The following FGFR2 variants were observed in gnomAD, a reference collection of about 807,000 sequenced individuals.
The protein encoded by FGFR2 is BEK fibroblast growth factor receptor.
In FGFR2, 19 loss-of-function variants were observed where a neutral mutation model predicts 95.9. The observed-to-expected ratio is 0.20, with a 90% CI of 0.14 to 0.29. The LOEUF (loss-of-function observed/expected upper bound fraction) is 0.29. Ranked by LOEUF, FGFR2 falls within the 10% of genes least tolerant of loss-of-function variation. The pLI, the probability that FGFR2 is intolerant of heterozygous loss-of-function variation, is 1.00. For missense variants in FGFR2, 707 were observed against 1,056.9 expected (o/e 0.67, Z 4.59); for synonymous variants, 392 against 393.3 (o/e 1.00, Z 0.04).
At chr10:121,527,263 G>C (rs967913268) in intron 6 of FGFR2, among the ~76,000 whole-genome samples, 4 of 152,170 alleles carry the variant, frequency 2.6e-5, no homozygotes, top group Non-Finnish European at 5.9e-5. Flanking sequence ...TACCAGCTGG[G>C]TATCAATTTG....
chr10:121,598,134 G>A lies in FGFR2; in HGVS notation c.-323C>T. The A allele has an allele frequency of 2.5e-6, 1 of 398,458 alleles. No individual in the cohort carries two copies. 24.7% of individuals were successfully genotyped at this position (398,458 alleles called of 1,614,324 possible). Reference sequence around the variant, plus strand: ...GGCTTCACGCGTACCCCAGGCTGCGGAGGAGCGCGGGCATGACGCCCGCGG... The same window carrying A: ...GGCTTCACGCGTACCCCAGGCTGCGAAGGAGCGCGGGCATGACGCCCGCGG... On this transcript the variant is annotated 5_prime_UTR_variant, in exon 1 of 18. Transcript: ENST00000358487.
chr10:121,493,800 C>T (rs1216992610), intron 13 of FGFR2, among the ~76,000 whole-genome samples: 3 of 152,080 alleles, frequency 2.0e-5, no homozygotes, highest in Admixed American at 6.5e-5. Flanking sequence ...GACTCAGATA[C>T]GCTCAAGACG....
Position 121,517,548 on chromosome 10 carries a change from C to G in FGFR2, c.940-85G>C, listed in dbSNP as rs1045211042. On this transcript the variant is annotated intron_variant, in intron 7 of 17. Transcript: ENST00000358487. This position sits in a 1 kb window ranked among gnomAD's most constrained non-coding sequence, Gnocchi z 4.7. The stretch of plus-strand genomic sequence containing the variant: ...GCTGTGGAACCACAAGGCGTCGCAC[C>G]GGGGGCTTCAGGGGGTGCTGGCCAC... 1.8e-5 allele frequency: 28 copies of G among 1,554,792 alleles called. No homozygotes were observed. The East Asian group carries it at 4.7e-4, about 26-fold the overall frequency.
intron 2 of FGFR2, among the ~76,000 whole-genome samples, chr10:121,580,901 C>T (rs1053006336): frequency 7.8e-6 from 1 of 127,390 alleles, no homozygotes; most frequent in Non-Finnish European, 1.8e-5. Flanking sequence ...AGCTTTAGAT[C>T]TCAGAAGGGC....
intron 5 of FGFR2, 81 bp downstream of exon 5, chr10:121,551,209 G>T: frequency 1.3e-6 from 2 of 1,496,676 alleles, no homozygotes; most frequent in African/African-American, 1.4e-5. Flanking sequence ...GACAGAGCGA[G>T]ACTCCATCGC....
chr10:121,513,276 C>T (rs1047528864), intron 9 of FGFR2, among the ~76,000 whole-genome samples: 1 of 152,270 alleles, frequency 6.6e-6, no homozygotes, highest in Non-Finnish European at 1.5e-5. Flanking sequence ...AATGTCTGCC[C>T]TCTTCTTAGT....
At chr10:121,540,326 C>T (rs1293502965) in intron 5 of FGFR2, among the ~76,000 whole-genome samples, 1 of 152,170 alleles carries the variant, frequency 6.6e-6, no homozygotes. Context: ...TACTGTATGA[C>T]AAAGACTCGC....
chr10:121,500,743 T>C (rs41295625), intron 11 of FGFR2, 83 bp downstream of exon 11: 5 of 1,575,834 alleles, frequency 3.2e-6, no homozygotes, highest in East Asian at 4.5e-5. Context: ...CGTGCCATGA[T>C]AGAGTTCACA....
At chr10:121,585,769 ATT>A (rs1486115010) in intron 2 of FGFR2, among the ~76,000 whole-genome samples, 1 of 152,238 alleles carries the variant, frequency 6.6e-6, no homozygotes, top group Non-Finnish European at 1.5e-5. Flanking sequence ...TCTTTTAAAA[ATT>A]TGAGTGGTTT....
intron 2 of FGFR2, among the ~76,000 whole-genome samples, chr10:121,589,878 G>A (rs1862374687): frequency 6.6e-6 from 1 of 152,180 alleles, no homozygotes; most frequent in South Asian, 2.1e-4. Flanking sequence ...CAGATAATAC[G>A]AAACAGAAGA....
chr10:121,532,175 G>T (rs1047670897), intron 6 of FGFR2, among the ~76,000 whole-genome samples: 1 of 152,180 alleles, frequency 6.6e-6, no homozygotes, highest in African/African-American at 2.4e-5. Flanking sequence ...GCCCTGGCCA[G>T]GAAGCCTCTA....
chr10:121,489,307 C>T (rs1845831183), intron 13 of FGFR2, among the ~76,000 whole-genome samples: 1 of 152,098 alleles, frequency 6.6e-6, no homozygotes, highest in Non-Finnish European at 1.5e-5. Flanking sequence ...CTCCTGACCT[C>T]AGGTGAGCCA....
At chr10:121,576,452 T>C (rs568964381) in intron 2 of FGFR2, among the ~76,000 whole-genome samples, 1 of 152,300 alleles carries the variant, frequency 6.6e-6, no homozygotes, top group African/African-American at 2.4e-5. Flanking sequence ...TCAGGGCTTC[T>C]TGGGACACAC....
At chr10:121,526,555 C>T (rs537508206) in intron 6 of FGFR2, among the ~76,000 whole-genome samples, 1 of 152,312 alleles carries the variant, frequency 6.6e-6, no homozygotes, top group East Asian at 1.9e-4. Flanking sequence ...TCTCCAGCTT[C>T]TGAAGATCAG....
rs763034342 is a variant in FGFR2 at position 121,478,906 on chromosome 10, A to T, written c.*951T>A. 4.3e-6 allele frequency: 1 copy of T among 233,490 alleles called. No individual in the cohort carries two copies. The highest frequency in any genetic ancestry group is 5.6e-5 in the Admixed American group (1 of 17,774). The allele number at this position is 233,490 out of a possible 1,614,324, so 14.5% of individuals were successfully genotyped here. On this transcript the variant is annotated 3_prime_UTR_variant, in exon 18 of 18. Coordinates refer to ENST00000358487, the MANE Select transcript of FGFR2 (RefSeq NM_000141.5). ...CATCTTTTAAGAGGACGCTGGTACCATTTATCTTGGGAAGTCCAGTTAGAC... is the reference window on the plus strand; with the variant it reads ...CATCTTTTAAGAGGACGCTGGTACCTTTTATCTTGGGAAGTCCAGTTAGAC...
intron 13 of FGFR2, among the ~76,000 whole-genome samples, chr10:121,493,815 C>T (rs1325409138): frequency 1.3e-5 from 2 of 151,998 alleles, no homozygotes; most frequent in East Asian, 1.9e-4. Flanking sequence ...AAGACGAGCT[C>T]GGATTTTCCA....
At position 121,538,691 on chromosome 10, in the gene FGFR2, T is replaced by C. The variant is rs2134607779; in HGVS notation, c.649A>G (p.Ile217Val). The part of the protein sequence containing the change: ...YKVRNQHWSL[I>V]MESVVPSDKG... ...TCAGATGGGACCACACTTTCCATAA[T>C]GAGGCTCCAGTGCTGGTTTCGTACC... The change falls in exon 6 of 18, where the codon ATT becomes GTT. Residue 217 changes from isoleucine (I) to valine (V), a missense_variant. This residue lies in a region of FGFR2 where 139 missense variants were observed against 278.1 expected (regional missense o/e 0.50). Coordinates refer to ENST00000358487, the MANE Select transcript of FGFR2 (RefSeq NM_000141.5). The C allele has an allele frequency of 6.2e-7, 1 of 1,614,198 alleles. No homozygotes were observed. The highest frequency in any genetic ancestry group is 8.5e-7 in the Non-Finnish European group (1 of 1,180,030).
intron 4 of FGFR2, among the ~76,000 whole-genome samples, chr10:121,562,375 C>T (rs1039376647): frequency 1.3e-5 from 2 of 151,612 alleles, no homozygotes; most frequent in Non-Finnish European, 2.9e-5. Context: ...ACCTCCGCAT[C>T]CTGGGTTCAA....
chr10:121,551,239 A>G (rs1855363830), intron 5 of FGFR2, 51 bp downstream of exon 5: 1 of 1,605,906 alleles, frequency 6.2e-7, no homozygotes, highest in African/African-American at 1.3e-5. Context: ...ATGTAAATAA[A>G]TAAATAAACA....
Sources: gnomAD v4.1 joint callset for allele counts (sites outside exome capture counted in the v4.1 genomes callset) on GRCh38, gnomAD v4.1.1 for gene constraint, gnomAD v4.1.1 regional missense constraint, Gnocchi (gnomAD v3.1) non-coding constraint, MANE v1.5 for transcripts, NCBI Gene and HGNC (gene_info 2026-07-23, HGNC 2026-07-21) for gene names.